NCOA7: variants seen among roughly 807,000 people sequenced by gnomAD.
NCOA7 encodes the protein nuclear receptor coactivator 7, also known as 140 kDa estrogen receptor-associated protein.
In NCOA7, 45 loss-of-function variants were observed where a neutral mutation model predicts 104.3. That is an observed-to-expected ratio of 0.43 (90% CI 0.34 to 0.55). The LOEUF is 0.55. Among genes scored for constraint, NCOA7 ranks in the 20% least tolerant of loss-of-function variants. The probability of loss-of-function intolerance (pLI) is 0.02; values close to 1 mark genes in which losing one functional copy is unlikely to be tolerated. For missense variants in NCOA7, 1,041 were observed against 1,119.7 expected (o/e 0.93, Z 1.00); for synonymous variants, 398 against 402.3 (o/e 0.99, Z 0.13).
chr6:125,838,651 A>G (rs1309036712), intron 2 of NCOA7, among the ~76,000 whole-genome samples: 1 of 152,054 alleles, frequency 6.6e-6, no homozygotes, highest in Non-Finnish European at 1.5e-5. Context: ...ATTCCATTCA[A>G]TTTTGACACT....
rs148161134 is a variant in NCOA7 at position 125,928,384 on chromosome 6, A to C, written c.2693+137A>C. The C allele has an allele frequency of 3.6e-4, 297 of 830,802 alleles. 2 individuals are homozygous for C. In the East Asian group the frequency reaches 7.0e-3, roughly 19 times the overall value. 51.5% of individuals were successfully genotyped at this position (830,802 alleles called of 1,614,324 possible). On this transcript the variant is annotated intron_variant, in intron 15 of 15. Coordinates refer to ENST00000392477, the MANE Select transcript of NCOA7 (RefSeq NM_181782.5). ...CATGTGCTTAGATGAATTAGGACAG[A>C]GGCTAACACAGAATGGCCTAACTAA... is the stretch of plus-strand genomic sequence containing the variant.
intron 2 of NCOA7, among the ~76,000 whole-genome samples, chr6:125,839,933 GTTATTA>G (rs960882588): frequency 6.6e-6 from 1 of 151,732 alleles, no homozygotes; most frequent in Non-Finnish European, 1.5e-5. Context: ...TACTACACTA[GTTATTA>G]TTATTTTAGA....
chr6:125,884,820 C>G (rs1439226855), intron 7 of NCOA7, among the ~76,000 whole-genome samples: 1 of 152,118 alleles, frequency 6.6e-6, no homozygotes, highest in Non-Finnish European at 1.5e-5. Context: ...TTGGGCAGCC[C>G]CTCCCATTTT....
At chr6:125,843,800 G>C (rs1461983885) in intron 2 of NCOA7, among the ~76,000 whole-genome samples, 1 of 152,026 alleles carries the variant, frequency 6.6e-6, no homozygotes, top group African/African-American at 2.4e-5. Flanking sequence ...TTTTTAGGCC[G>C]TGACTCAGCA....
At chr6:125,783,262 C>A (rs1056074112) in intron 1 of NCOA7, among the ~76,000 whole-genome samples, 1 of 152,168 alleles carries the variant, frequency 6.6e-6, no homozygotes, top group Non-Finnish European at 1.5e-5. Context: ...CATAAAGCTA[C>A]CTTTTATAAC....
chr6:125,793,809 C>G (rs1420823084), intron 1 of NCOA7, among the ~76,000 whole-genome samples: 1 of 152,090 alleles, frequency 6.6e-6, no homozygotes, highest in Non-Finnish European at 1.5e-5. Context: ...ATTTGTATGA[C>G]CTTGAATTTC....
At chr6:125,845,799 C>A (rs912625144) in intron 2 of NCOA7, among the ~76,000 whole-genome samples, 1 of 152,124 alleles carries the variant, frequency 6.6e-6, no homozygotes, top group Middle Eastern at 3.2e-3. Flanking sequence ...CTTCTCTCCC[C>A]ACTCATTGAC....
intron 11 of NCOA7, among the ~76,000 whole-genome samples, chr6:125,916,054 A>C (rs1787045112): frequency 1.3e-5 from 2 of 152,228 alleles, no homozygotes; most frequent in Non-Finnish European, 2.9e-5. Context: ...CATGCAAATC[A>C]TATCATAATT....
intron 3 of NCOA7, among the ~76,000 whole-genome samples, chr6:125,857,349 T>A (rs1172833864): frequency 2.0e-5 from 3 of 152,072 alleles, no homozygotes; most frequent in African/African-American, 7.2e-5. Flanking sequence ...GCAGTCCTTC[T>A]GCCTCAACCT....
chr6:125,916,018 G>A (rs1286632224), intron 11 of NCOA7, among the ~76,000 whole-genome samples: 2 of 152,182 alleles, frequency 1.3e-5, no homozygotes, highest in African/African-American at 4.8e-5. Flanking sequence ...TGGCTGACAA[G>A]CTGATATAGT....
At chr6:125,812,722 T>C (rs1264836043) in intron 1 of NCOA7, among the ~76,000 whole-genome samples, 2 of 152,328 alleles carry the variant, frequency 1.3e-5, no homozygotes, top group East Asian at 3.9e-4. Flanking sequence ...AGGCACAATG[T>C]CCACAACCGA....
intron 3 of NCOA7, among the ~76,000 whole-genome samples, chr6:125,873,105 G>T (rs918060371): frequency 1.3e-5 from 2 of 152,018 alleles, no homozygotes; most frequent in African/African-American, 2.4e-5. Context: ...CTTCATCTAG[G>T]ACCCCCATGT....
At chr6:125,791,333 C>G (rs1344219012) in intron 1 of NCOA7, among the ~76,000 whole-genome samples, 1 of 152,208 alleles carries the variant, frequency 6.6e-6, no homozygotes, top group Non-Finnish European at 1.5e-5. Flanking sequence ...CGCGCCAGTA[C>G]GAGAGTGGGG....
At chr6:125,821,727 T>C (rs1355067905) in intron 2 of NCOA7, among the ~76,000 whole-genome samples, 2 of 152,204 alleles carry the variant, frequency 1.3e-5, no homozygotes, top group Non-Finnish European at 2.9e-5. Context: ...CAGTCTGTAA[T>C]ACTTCACCTG....
At chr6:125,833,774 G>A (rs1428671281) in intron 2 of NCOA7, among the ~76,000 whole-genome samples, 1 of 152,038 alleles carries the variant, frequency 6.6e-6, no homozygotes, top group East Asian at 1.9e-4. Flanking sequence ...AAAGGAGTCA[G>A]GTTGCTTAGC....
chr6:125,787,749 G>A (rs530044987), upstream of NCOA7, among the ~76,000 whole-genome samples: 5 of 152,198 alleles, frequency 3.3e-5, no homozygotes, highest in Non-Finnish European at 5.9e-5. Context: ...AGTAACTTCC[G>A]CAGCCAAGAA....
At chr6:125,790,654 G>A (rs3734634), upstream of NCOA7, 59,235 of 151,988 alleles carry the variant, frequency 0.39, 13,731 homozygotes, top group East Asian at 0.7. Context: ...ACCGCTGTGA[G>A]GCGCAGCGCG....
intron 4 of NCOA7, 77 bp from the exon 5 acceptor site, chr6:125,878,186 C>T: frequency 1.4e-6 from 1 of 721,110 alleles, no homozygotes; most frequent in Admixed American, 3.2e-5. Flanking sequence ...ATTCATATTG[C>T]AGATAAATTA....
intron 2 of NCOA7, among the ~76,000 whole-genome samples, chr6:125,851,457 C>G (rs941637666): frequency 1.3e-5 from 2 of 152,162 alleles, no homozygotes; most frequent in African/African-American, 2.4e-5. Context: ...GAGTAGTAGT[C>G]CATGGTGTAT....
Sources: gnomAD v4.1 joint callset for allele counts (sites outside exome capture counted in the v4.1 genomes callset) on GRCh38, gnomAD v4.1.1 for gene constraint, MANE v1.5 for transcripts, NCBI Gene and HGNC (gene_info 2026-07-23, HGNC 2026-07-21) for gene names.